Variants in PRKCH observed in about 807,000 individuals in gnomAD.
PRKCH encodes the protein protein kinase C eta.
In PRKCH, 28 loss-of-function variants were observed where a neutral mutation model predicts 82.5. The ratio of observed to expected loss-of-function variants is 0.34; its 90% CI spans 0.25 to 0.47. The LOEUF (loss-of-function observed/expected upper bound fraction) is 0.47, where lower values mean the gene tolerates loss of function less well. PRKCH is among the 20% of genes least tolerant of loss of function. The probability of loss-of-function intolerance (pLI) is 1.00; values close to 1 mark genes in which losing one functional copy is unlikely to be tolerated. For missense variants in PRKCH, 705 were observed against 881.8 expected, an observed-to-expected ratio of 0.80 and a Z score of 2.54; for synonymous variants, 322 against 327.4, an observed-to-expected ratio of 0.98 and a Z score of 0.18.
chr14:61,424,244 T>A (rs1017303147), intron 2 of PRKCH, among the ~76,000 whole-genome samples: 1 of 152,074 alleles, frequency 6.6e-6, no homozygotes, highest in African/African-American at 2.4e-5. Context: ...ACTGATAGAG[T>A]GGGGTACTGC....
intron 2 of PRKCH, among the ~76,000 whole-genome samples, chr14:61,410,399 G>A (rs1738821643): frequency 6.6e-6 from 1 of 152,162 alleles, no homozygotes; most frequent in South Asian, 2.1e-4. Context: ...TTTTTACTCT[G>A]CTCCATGCTG....
intron 1 of PRKCH, among the ~76,000 whole-genome samples, chr14:61,221,474 TCATGTGCTTCCCTC>T (rs1362154696): frequency 2.0e-5 from 3 of 152,192 alleles, no homozygotes; most frequent in East Asian, 1.9e-4. Context: ...TGTGCCCCCT[TCATGTGCTTCCCTC>T]CATGTGCCCC....
Position 61,540,337 on chromosome 14 carries a change from G to A in PRKCH, c.1762-7406G>A, listed in dbSNP as rs546230082. ...AAGTCCTGAGTGTCATTTATTAGGT[G>A]AAAGTAAAGTAAACTGTGTAATGAT... On this transcript the variant is annotated intron_variant, in intron 12 of 13. Transcript: ENST00000332981. Among the ~76,000 whole-genome samples the A allele has an allele frequency of 7.2e-5, 11 of 152,340 alleles. No homozygotes were observed. In the South Asian group the frequency reaches 2.3e-3, roughly 32 times the overall value.
chr14:61,223,599 A>T (rs1363563380), intron 1 of PRKCH, among the ~76,000 whole-genome samples: 2 of 152,146 alleles, frequency 1.3e-5, no homozygotes, highest in African/African-American at 2.4e-5. Context: ...ACTCCATTAG[A>T]CAGCATGATA....
At chr14:61,203,831 A>T (rs1437842434) in intron 1 of PRKCH, among the ~76,000 whole-genome samples, 1 of 151,742 alleles carries the variant, frequency 6.6e-6, no homozygotes, top group African/African-American at 2.4e-5. Flanking sequence ...ACAAAGAGAG[A>T]CCCCGTCTCA....
intron 1 of PRKCH, among the ~76,000 whole-genome samples, chr14:61,231,692 C>A (rs17093405): frequency 0.71 from 107,306 of 151,946 alleles, 41,039 homozygotes; most frequent in Non-Finnish European, 0.87. Context: ...TTTTCTTATT[C>A]CCGAAACTTG....
chr14:61,230,270 A>G (rs1220956598), intron 1 of PRKCH, among the ~76,000 whole-genome samples: 1 of 152,024 alleles, frequency 6.6e-6, no homozygotes, highest in Non-Finnish European at 1.5e-5. Context: ...CCGGGGGTAG[A>G]TTCAGTTCTC....
chr14:61,214,763 G>T (rs1316572474), intron 1 of PRKCH, among the ~76,000 whole-genome samples: 1 of 152,148 alleles, frequency 6.6e-6, no homozygotes, highest in African/African-American at 2.4e-5. Context: ...GGTCACTAGG[G>T]TTTGATAGAT....
At chr14:61,189,261 A>C (rs2044391633) in intron 1 of PRKCH, among the ~76,000 whole-genome samples, 1 of 152,224 alleles carries the variant, frequency 6.6e-6, no homozygotes, top group African/African-American at 2.4e-5. Context: ...CCCTGACCTT[A>C]CTGAGATTTC....
At position 61,529,098 on chromosome 14, in the gene PRKCH, T is replaced by C. The variant is rs758711431; in HGVS notation, c.1457T>C (p.Leu486Pro). 1 of 1,613,606 alleles carries C rather than the reference T, an allele frequency of 6.2e-7. No homozygotes were observed. The highest frequency in any genetic ancestry group is 1.1e-5 in the South Asian group (1 of 91,060). The change falls in exon 11 of 14, where the codon CTG (leucine) becomes CCG (proline). Residue 486 changes from leucine to proline, a missense_variant. Physicochemically the swap from Leu to Pro is moderately conservative, Grantham distance 98 (BLOSUM62 -3). Around this residue, in one of 5 missense-constraint regions of PRKCH, gnomAD observed 115 missense variants for 193.8 expected, o/e 0.59. Transcript: ENST00000332981. ...IYRDLKLDNV[L>P]LDHEGHCKLA... is the part of the protein sequence containing the mutation. Reference sequence around the variant, plus strand: ...AGAGATCTGAAACTGGACAATGTCCTGTTGGACCACGAGGGTCACTGTAAA... The same window carrying C: ...AGAGATCTGAAACTGGACAATGTCCCGTTGGACCACGAGGGTCACTGTAAA...
At chr14:61,414,076 G>A (rs1242025331) in intron 2 of PRKCH, among the ~76,000 whole-genome samples, 1 of 151,958 alleles carries the variant, frequency 6.6e-6, no homozygotes, top group Non-Finnish European at 1.5e-5. Context: ...ACCCTCTGCA[G>A]TTTGTATCCT....
chr14:61,430,285 A>G (rs1241113771), intron 2 of PRKCH, among the ~76,000 whole-genome samples: 1 of 152,240 alleles, frequency 6.6e-6, no homozygotes, highest in Non-Finnish European at 1.5e-5. Flanking sequence ...TAGAAAGGCT[A>G]AAATGAAAAA....
intron 1 of PRKCH, among the ~76,000 whole-genome samples, chr14:61,352,093 G>A (rs1594937951): frequency 6.6e-6 from 1 of 152,056 alleles, no homozygotes; most frequent in African/African-American, 2.4e-5. Context: ...TCTAGTCCCA[G>A]GTCAGCTGCT....
chr14:61,356,960 G>A (rs1264826285), intron 1 of PRKCH, among the ~76,000 whole-genome samples: 1 of 152,206 alleles, frequency 6.6e-6, no homozygotes, highest in Non-Finnish European at 1.5e-5. Context: ...GGGATTATAG[G>A]CATGAGCCAC....
At chr14:61,546,841 GA>G (rs1228622484) in intron 12 of PRKCH, among the ~76,000 whole-genome samples, 1 of 152,216 alleles carries the variant, frequency 6.6e-6, no homozygotes, top group East Asian at 1.9e-4. Context: ...CAGTGTCTTT[GA>G]AATTGAGAAC....
intron 1 of PRKCH, among the ~76,000 whole-genome samples, chr14:61,383,978 C>T (rs1005605404): frequency 7.9e-5 from 12 of 152,162 alleles, no homozygotes; most frequent in South Asian, 4.2e-4. Context: ...TGAAGACTCT[C>T]GGAGACCAGC....
chr14:61,377,234 C>G (rs1342438008), intron 1 of PRKCH, among the ~76,000 whole-genome samples: 1 of 152,224 alleles, frequency 6.6e-6, no homozygotes, highest in African/African-American at 2.4e-5. Context: ...TGTATTTTCT[C>G]TGGTTCTTTC....
intron 1 of PRKCH, among the ~76,000 whole-genome samples, chr14:61,237,830 G>A (rs2044803861): frequency 6.6e-6 from 1 of 152,198 alleles, no homozygotes; most frequent in Non-Finnish European, 1.5e-5. Flanking sequence ...CAACCATCTT[G>A]GGCACTTGCG....
At chr14:61,405,942 A>T (rs1269870593) in intron 2 of PRKCH, among the ~76,000 whole-genome samples, 2 of 152,206 alleles carry the variant, frequency 1.3e-5, no homozygotes, top group African/African-American at 4.8e-5. Context: ...TAGGACCTTC[A>T]AAAAATATGA....
Sources: gnomAD v4.1 joint callset for allele counts (sites outside exome capture counted in the v4.1 genomes callset) on GRCh38, gnomAD v4.1.1 for gene constraint, gnomAD v4.1.1 regional missense constraint, MANE v1.5 for transcripts, NCBI Gene and HGNC (gene_info 2026-07-23, HGNC 2026-07-21) for gene names.